The following CDK13 variants were observed in gnomAD, a reference collection of about 807,000 sequenced individuals.
The protein encoded by CDK13 is cyclin dependent kinase 13, also known as cyclin-dependent kinase 13.
Under a neutral mutation model 137.6 loss-of-function variants are expected in CDK13, and 40 were observed. The observed-to-expected ratio is 0.29, with a 90% confidence interval of 0.23 to 0.38. CDK13 has a LOEUF of 0.38. Among genes scored for constraint, CDK13 ranks in the 10% least tolerant of loss-of-function variants. The probability of loss-of-function intolerance (pLI) is 1.00; values close to 1 mark genes in which losing one functional copy is unlikely to be tolerated. For missense variants in CDK13, 1,704 were observed against 1,951.8 expected (o/e 0.87, Z 2.39); for synonymous variants, 869 against 760.1 (o/e 1.14, Z -2.36).
At chr7:39,968,875 C>A (rs1209888382) in intron 1 of CDK13, among the ~76,000 whole-genome samples, 1 of 152,210 alleles carries the variant, frequency 6.6e-6, no homozygotes, top group Non-Finnish European at 1.5e-5. Context: ...ACTACTCTTA[C>A]TTCTTACCGT....
In CDK13 at chr7:40,075,080, A is replaced by G. The variant is rs115730017; in HGVS notation, c.2781-2925A>G. ...CATGTGTAATAAAATTTTGAGGAGA[A>G]TAAGTAAAGAGGTGGATAGGAGATT... On this transcript the variant is annotated intron_variant, in intron 9 of 13. Coordinates refer to ENST00000181839, the MANE Select transcript of CDK13 (RefSeq NM_003718.5). Among the ~76,000 whole-genome samples, 218 of 152,284 alleles carry G rather than the reference A, an allele frequency of 1.4e-3. 1 individual carries two copies. Among genetic ancestry groups the G allele is most frequent in the African/African-American group, 4.6e-3 (192 of 41,570 alleles).
intron 5 of CDK13, among the ~76,000 whole-genome samples, chr7:40,041,570 T>A (rs2150512223): frequency 6.6e-6 from 1 of 152,336 alleles, no homozygotes; most frequent in East Asian, 1.9e-4. Context: ...TTTCAAGAGC[T>A]CATTAGCCAC....
chr7:39,958,626 A>G (rs570886271), intron 1 of CDK13, among the ~76,000 whole-genome samples: 1 of 152,066 alleles, frequency 6.6e-6, no homozygotes, highest in African/African-American at 2.4e-5. Context: ...AGTAGCTCCT[A>G]GTATTCTGTT....
At chr7:40,089,965 T>C (rs1213615535) in intron 12 of CDK13, among the ~76,000 whole-genome samples, 1 of 152,198 alleles carries the variant, frequency 6.6e-6, no homozygotes, top group African/African-American at 2.4e-5. Context: ...TTGACCTTGG[T>C]TCAACTGCAT....
chr7:39,974,890 A>G (rs1326978684), intron 1 of CDK13, among the ~76,000 whole-genome samples: 1 of 152,102 alleles, frequency 6.6e-6, no homozygotes, highest in African/African-American at 2.4e-5. Flanking sequence ...CTTATCCTTG[A>G]CTAATTACAA....
At chr7:40,080,308 A>T (rs1786638592) in intron 11 of CDK13, among the ~76,000 whole-genome samples, 1 of 152,172 alleles carries the variant, frequency 6.6e-6, no homozygotes, top group East Asian at 1.9e-4. Context: ...AATTTTTAAA[A>T]TGATAAGGAG....
Position 40,098,618 on chromosome 7 carries a change from T to C in CDK13, c.*3638T>C, listed in dbSNP as rs1787089645. ...ACCTAAAATTATCCAGTCGGTCTTC[T>C]TACTTTACAACTAAGAAAAATAAGG... On this transcript the variant is annotated 3_prime_UTR_variant, in exon 14 of 14. Coordinates refer to ENST00000181839, the MANE Select transcript of CDK13 (RefSeq NM_003718.5). 6.6e-6 allele frequency: 1 copy of C among 151,940 alleles called. No homozygotes were observed. Among genetic ancestry groups the C allele is most frequent in the Admixed American group, 6.6e-5 (1 of 15,236 alleles). The allele number at this position is 151,940 out of a possible 1,614,324, so 9.4% of individuals were successfully genotyped here.
chr7:40,038,954 C>G (rs1785544283), intron 5 of CDK13, among the ~76,000 whole-genome samples: 1 of 152,182 alleles, frequency 6.6e-6, no homozygotes, highest in South Asian at 2.1e-4. Flanking sequence ...CTCAGCGTCC[C>G]AAAGTGCTGG....
intron 2 of CDK13, among the ~76,000 whole-genome samples, chr7:39,996,971 A>AAAAAAAAAGAAAAAG (rs1562719340): frequency 2.0e-5 from 3 of 146,760 alleles, no homozygotes; most frequent in African/African-American, 7.7e-5. Context: ...CAAAAAAAAA[A>AAAAAAAAAGAAAAAG]AAAAAGAAAA....
At position 40,094,496 on chromosome 7, in the gene CDK13, A is replaced by G. The variant is rs111947982; in HGVS notation, c.4055A>G (p.Asn1352Ser). The G allele has an allele frequency of 2.2e-5, 36 of 1,613,330 alleles. No individual in the cohort carries two copies. In the East Asian group the frequency reaches 6.9e-4, roughly 31 times the overall value. The change falls in exon 14 of 14, where the codon AAT (asparagine) becomes AGT (serine). Residue 1352 changes from asparagine to serine, a missense_variant. This residue lies in a region of CDK13 where 475 missense variants were observed against 579.3 expected (regional missense o/e 0.82). Coordinates refer to ENST00000181839, the MANE Select transcript of CDK13 (RefSeq NM_003718.5). ...TTCTCTTCTGCTCCTTATGTTAGCA[A>G]TGATGGTCTAGGAAGCAGTTCTGCT... ...SSFSSAPYVS[N>S]DGLGSSSAPP...
chr7:40,021,482 A>T (rs1481883940), intron 5 of CDK13, among the ~76,000 whole-genome samples: 2 of 66,422 alleles, frequency 3.0e-5, no homozygotes, highest in Non-Finnish European at 5.8e-5. Context: ...GGTGATAGAG[A>T]CTGTCTCAAA....
chr7:40,054,341 A>T (rs1043784023), intron 7 of CDK13, among the ~76,000 whole-genome samples: 2 of 152,206 alleles, frequency 1.3e-5, no homozygotes, highest in African/African-American at 4.8e-5. Context: ...GAAATATCTA[A>T]TGAGAAATCT....
intron 1 of CDK13, chr7:39,983,991 G>C (rs1409879136): frequency 2.0e-5 from 3 of 152,096 alleles, no homozygotes; most frequent in Admixed American, 2.0e-4. Flanking sequence ...GCACATACTT[G>C]TTTTTGAAAG....
In CDK13 at chr7:39,951,401, A is replaced by C. The variant is rs1286744546; in HGVS notation, c.760A>C (p.Ser254Arg). ...CGCCAAGAGCGGCAGCAGCAGCAGC[A>C]GCGGCGGCCGCCGGAAAAGCGCTTC... ...EVAKSGSSSS[S>R]GGRRKSASAT... The change falls in exon 1 of 14, where the codon AGC (serine) becomes CGC (arginine). Residue 254 changes from serine (S) to arginine (R), a missense_variant. Coordinates refer to ENST00000181839, the MANE Select transcript of CDK13 (RefSeq NM_003718.5). 1 of 1,519,268 alleles carries C rather than the reference A, an allele frequency of 6.6e-7. No homozygotes were observed. Among genetic ancestry groups the C allele is most frequent in the Non-Finnish European group, 8.8e-7 (1 of 1,136,134 alleles). The allele number at this position is 1,519,268 out of a possible 1,614,324, so 94.1% of individuals were successfully genotyped here. A position where few individuals can be genotyped will look rare whatever the true frequency, so the allele number is the denominator to read the frequency against.
chr7:39,987,532 C>G, intron 1 of CDK13, 67 bp from the exon 2 acceptor site: 1 of 1,252,318 alleles, frequency 8.0e-7, no homozygotes, highest in Non-Finnish European at 1.1e-6. Context: ...TGAATTAGCA[C>G]TGTCTTTGTA....
chr7:39,951,394 C>T lies in CDK13; in HGVS notation c.753C>T (p.Ser251=), dbSNP rs1307990637. The stretch of plus-strand genomic sequence containing the variant: ...CCGAGGTCGCCAAGAGCGGCAGCAG[C>T]AGCAGCAGCGGCGGCCGCCGGAAAA... ...ERAEVAKSGS[S]SSSGGRRKSA... is the part of the protein sequence containing the mutation. Residue 251 remains serine, a synonymous_variant, in exon 1 of 14, where the codon AGC becomes AGT. Transcript: ENST00000181839. 2 of 1,525,600 alleles carry T rather than the reference C, an allele frequency of 1.3e-6. No homozygotes were observed. Among genetic ancestry groups the T allele is most frequent in the Admixed American group, 2.0e-5 (1 of 48,884 alleles). 94.5% of individuals were successfully genotyped at this position (1,525,600 alleles called of 1,614,324 possible). A position where few individuals can be genotyped will look rare whatever the true frequency, so the allele number is the denominator to read the frequency against.
intron 7 of CDK13, among the ~76,000 whole-genome samples, chr7:40,052,447 G>T (rs1229064443): frequency 6.6e-6 from 1 of 152,150 alleles, no homozygotes; most frequent in East Asian, 1.9e-4. Flanking sequence ...AAAGTGCTAG[G>T]ATTACAGGTG....
intron 2 of CDK13, among the ~76,000 whole-genome samples, chr7:39,989,398 A>AT (rs1052462782): frequency 0.021 from 3,093 of 144,532 alleles, 43 homozygotes; most frequent in South Asian, 0.039. Context: ...TTCCTAGCTG[A>AT]TTTTTTTTTT....
At chr7:40,035,998 A>G (rs983015652) in intron 5 of CDK13, among the ~76,000 whole-genome samples, 8 of 152,020 alleles carry the variant, frequency 5.3e-5, no homozygotes, top group African/African-American at 1.7e-4. Flanking sequence ...CCTCGTCTCT[A>G]TAAAAAATTA....
Sources: gnomAD v4.1 joint callset for allele counts (sites outside exome capture counted in the v4.1 genomes callset) on GRCh38, gnomAD v4.1.1 for gene constraint, gnomAD v4.1.1 regional missense constraint, MANE v1.5 for transcripts, NCBI Gene and HGNC (gene_info 2026-07-23, HGNC 2026-07-21) for gene names.